Variants in AIMP1 observed in about 807,000 individuals in gnomAD.
The protein encoded by AIMP1 is aminoacyl tRNA synthetase complex interacting multifunctional protein 1.
AIMP1 carries 24 observed loss-of-function variants against 33.1 expected under a neutral mutation model. That is an observed-to-expected ratio of 0.73 (90% CI 0.53 to 1.02). The LOEUF (loss-of-function observed/expected upper bound fraction) is 1.02, where lower values mean the gene tolerates loss of function less well. Ranked by LOEUF, AIMP1 falls within the 50% of genes least tolerant of loss-of-function variation. The probability of loss-of-function intolerance (pLI) is 0.00; values close to 1 mark genes in which losing one functional copy is unlikely to be tolerated. For missense variants in AIMP1, 367 were observed against 364.8 expected, an observed-to-expected ratio of 1.01 and a Z score of -0.05; for synonymous variants, 120 against 121.5, an observed-to-expected ratio of 0.99 and a Z score of 0.08.
chr4:106,320,109 T>C (rs1561020193), intron 1 of AIMP1, among the ~76,000 whole-genome samples: 1 of 152,212 alleles, frequency 6.6e-6, no homozygotes, highest in African/African-American at 2.4e-5. Flanking sequence ...ATGAGAAACT[T>C]TATACATATT....
At chr4:106,333,187 T>C (rs557216537) in intron 5 of AIMP1, among the ~76,000 whole-genome samples, 1 of 152,292 alleles carries the variant, frequency 6.6e-6, no homozygotes, top group South Asian at 2.1e-4. Context: ...CTGCTAGTGT[T>C]ATATTTACGG....
intron 2 of AIMP1, among the ~76,000 whole-genome samples, chr4:106,326,769 AT>A (rs1454637320): frequency 1.3e-5 from 2 of 151,834 alleles, no homozygotes; most frequent in Non-Finnish European, 2.9e-5. Flanking sequence ...TTGACATTTT[AT>A]CTTTTATTTT....
chr4:106,316,707 G>A (rs1768926504), intron 1 of AIMP1, 113 bp downstream of exon 1: 1 of 1,040,032 alleles, frequency 9.6e-7, no homozygotes, highest in Non-Finnish European at 1.4e-6. Flanking sequence ...CTGCTAATGG[G>A]TAGTCCGTTC....
chr4:106,320,385 C>T (rs1769167810), intron 1 of AIMP1, among the ~76,000 whole-genome samples: 1 of 152,152 alleles, frequency 6.6e-6, no homozygotes. Flanking sequence ...TTGTTCTCTA[C>T]TATAAACCCA....
At chr4:106,347,340 TATTTTACCA>T (rs1770342531) in intron 6 of AIMP1, among the ~76,000 whole-genome samples, 177 bp from the exon 7 acceptor site, 1 of 152,170 alleles carries the variant, frequency 6.6e-6, no homozygotes, top group African/African-American at 2.4e-5. Flanking sequence ...ACAACGATTT[TATTTTACCA>T]ATCAAGAATA....
chr4:106,331,776 A>C lies in AIMP1; in HGVS notation c.496A>C (p.Arg166=). 6.2e-7 allele frequency: 1 copy of C among 1,614,178 alleles called. No individual in the cohort carries two copies. The highest frequency in any genetic ancestry group is 8.5e-7 in the Non-Finnish European group (1 of 1,180,006). Residue 166 remains arginine, a synonymous_variant, in exon 5 of 7, where the codon AGA becomes CGA. Transcript: ENST00000672341. ...DLRIGCIITA[R]KHPDADSLYV... ...TCGAATTGGTTGCATCATAACTGCTAGAAAACACCCTGATGCAGATTCTTT... is the reference window on the plus strand; with the variant it reads ...TCGAATTGGTTGCATCATAACTGCTCGAAAACACCCTGATGCAGATTCTTT...
chr4:106,339,289 G>C (rs902038281), intron 6 of AIMP1, among the ~76,000 whole-genome samples: 15 of 152,162 alleles, frequency 9.9e-5, no homozygotes, highest in African/African-American at 3.6e-4. Flanking sequence ...ATATGGTTTG[G>C]CTGTGTCCCC....
At chr4:106,347,432 C>A in intron 6 of AIMP1, 94 bp from the exon 7 acceptor site, 2 of 1,236,700 alleles carry the variant, frequency 1.6e-6, no homozygotes, top group Non-Finnish European at 1.1e-6. Context: ...AAAATGTTGC[C>A]AAAACAATTC....
intron 2 of AIMP1, 71 bp from the exon 3 acceptor site, chr4:106,327,380 C>G: frequency 8.6e-7 from 1 of 1,158,964 alleles, no homozygotes; most frequent in Non-Finnish European, 1.3e-6. Context: ...TACTGGCTGT[C>G]TTCTTTTCAA....
At chr4:106,337,448 A>C (rs1769927875) in intron 6 of AIMP1, among the ~76,000 whole-genome samples, 1 of 152,156 alleles carries the variant, frequency 6.6e-6, no homozygotes, top group African/African-American at 2.4e-5. Context: ...CAGTTCCCCT[A>C]CGCATGCTCT....
chr4:106,318,841 T>G (rs1383125966), intron 1 of AIMP1, among the ~76,000 whole-genome samples: 1 of 152,162 alleles, frequency 6.6e-6, no homozygotes, highest in Non-Finnish European at 1.5e-5. Flanking sequence ...CAAAGGGTGA[T>G]ACAAGATAAA....
chr4:106,347,642 G>A lies in AIMP1; in HGVS notation c.889G>A (p.Gly297Arg). The change falls in exon 7 of 7, where the codon GGG becomes AGG. Residue 297 changes from glycine to arginine, a missense_variant. By Grantham distance (125) the Gly-to-Arg change is moderately radical (BLOSUM62 -2). Transcript: ENST00000672341. ...TYKGVPFEVK[G>R]KGVCRAQTMS... Reference sequence around the variant, plus strand: ...CAAAGGAGTTCCCTTTGAGGTGAAAGGGAAGGGAGTATGTAGGGCTCAAAC... The same window carrying A: ...CAAAGGAGTTCCCTTTGAGGTGAAAAGGAAGGGAGTATGTAGGGCTCAAAC... 1.2e-6 allele frequency: 2 copies of A among 1,613,276 alleles called. 1 individual carries two copies. The highest frequency in any genetic ancestry group is 2.2e-5 in the South Asian group (2 of 91,050).
At chr4:106,322,663 A>T (rs573739204) in intron 1 of AIMP1, among the ~76,000 whole-genome samples, 1 of 152,286 alleles carries the variant, frequency 6.6e-6, no homozygotes, top group South Asian at 2.1e-4. Flanking sequence ...ATATTTCCAG[A>T]TACCCAGTTA....
At chr4:106,327,364 T>C in intron 2 of AIMP1, 87 bp from the exon 3 acceptor site, 1 of 944,786 alleles carries the variant, frequency 1.1e-6, no homozygotes, top group Admixed American at 1.9e-5. Flanking sequence ...ATCCTAGCTG[T>C]AGTTATACTG....
intron 6 of AIMP1, among the ~76,000 whole-genome samples, chr4:106,344,393 C>T (rs1770214553): frequency 6.6e-6 from 1 of 152,104 alleles, no homozygotes; most frequent in Admixed American, 6.5e-5. Context: ...GATAGGATTT[C>T]CATCCTCCTA....
At chr4:106,326,417 C>T (rs1769454894) in intron 2 of AIMP1, among the ~76,000 whole-genome samples, 1 of 152,144 alleles carries the variant, frequency 6.6e-6, no homozygotes. Context: ...CAATAAATGC[C>T]AGTACTAACA....
At chr4:106,344,625 T>A (rs1770225366) in intron 6 of AIMP1, among the ~76,000 whole-genome samples, 1 of 152,180 alleles carries the variant, frequency 6.6e-6, no homozygotes, top group African/African-American at 2.4e-5. Context: ...GGCAGAGTGA[T>A]CTAGCAGATT....
chr4:106,346,336 A>ATG lies in AIMP1; in HGVS notation c.773-1188_773-1187dup, dbSNP rs1304085803. 3.9e-5 allele frequency among the ~76,000 whole-genome samples: 6 copies of ATG among 152,300 alleles called. No individual in the cohort carries two copies. The South Asian group carries it at 1.2e-3, about 32-fold the overall frequency. Reference sequence around the variant, plus strand: ...TAGAGGGGTTGTGGGTATTAACCACATGTAAAAAGGTTGTTTACTTTCTAA... The same window carrying ATG: ...TAGAGGGGTTGTGGGTATTAACCACATGTGTAAAAAGGTTGTTTACTTTCTAA... On this transcript the variant is annotated intron_variant, in intron 6 of 6. Coordinates refer to ENST00000672341, the MANE Select transcript of AIMP1 (RefSeq NM_001142416.2).
At chr4:106,344,394 C>T (rs1770214637) in intron 6 of AIMP1, among the ~76,000 whole-genome samples, 1 of 152,062 alleles carries the variant, frequency 6.6e-6, no homozygotes, top group Non-Finnish European at 1.5e-5. Context: ...ATAGGATTTC[C>T]ATCCTCCTAG....
Sources: gnomAD v4.1 joint callset for allele counts (sites outside exome capture counted in the v4.1 genomes callset) on GRCh38, gnomAD v4.1.1 for gene constraint, MANE v1.5 for transcripts, NCBI Gene and HGNC (gene_info 2026-07-23, HGNC 2026-07-21) for gene names.